CTNNBL1: variants seen among roughly 807,000 people sequenced by gnomAD.
CTNNBL1 encodes beta-catenin-like protein 1.
CTNNBL1 carries 31 observed loss-of-function variants against 72.7 expected under a neutral mutation model. That is an observed-to-expected ratio of 0.43 (90% CI 0.32 to 0.58). The LOEUF is 0.58. Ranked by LOEUF, CTNNBL1 falls within the 20% of genes least tolerant of loss-of-function variation. The pLI is 0.08. For synonymous variants in CTNNBL1, 240 were observed against 267.3 expected (o/e 0.90, Z 1.00); for missense variants, 534 against 725.1 (o/e 0.74, Z 3.03).
chr20:37,829,230 A>C (rs1159465166), intron 11 of CTNNBL1, among the ~76,000 whole-genome samples: 1 of 152,242 alleles, frequency 6.6e-6, no homozygotes, highest in African/African-American at 2.4e-5. Context: ...TAATGGCCTT[A>C]GATGTTCTGT....
At chr20:37,845,678 C>T (rs376609900) in intron 13 of CTNNBL1, among the ~76,000 whole-genome samples, 9 of 152,338 alleles carry the variant, frequency 5.9e-5, no homozygotes, top group African/African-American at 2.2e-4. Context: ...ACCTCTGCCT[C>T]ATGCCGTCTT....
intron 13 of CTNNBL1, among the ~76,000 whole-genome samples, chr20:37,854,230 G>A (rs1260442983): frequency 3.3e-5 from 5 of 152,174 alleles, no homozygotes; most frequent in Non-Finnish European, 7.3e-5. Context: ...AAGGTGCAGT[G>A]TGTACCTGCC....
At chr20:37,738,540 C>T (rs1374306065) in intron 3 of CTNNBL1, among the ~76,000 whole-genome samples, 2 of 152,174 alleles carry the variant, frequency 1.3e-5, no homozygotes, top group Non-Finnish European at 1.5e-5. Context: ...TTTGTCCCTC[C>T]CAGGACATAC....
chr20:37,857,597 T>C (rs1019838319), intron 13 of CTNNBL1, among the ~76,000 whole-genome samples: 2 of 152,050 alleles, frequency 1.3e-5, no homozygotes, highest in African/African-American at 2.4e-5. Flanking sequence ...CCTGGGCAAA[T>C]AAAGAAGTGC....
At chr20:37,725,939 G>GC (rs2073080657) in intron 1 of CTNNBL1, among the ~76,000 whole-genome samples, 1 of 151,988 alleles carries the variant, frequency 6.6e-6, no homozygotes, top group Non-Finnish European at 1.5e-5. Flanking sequence ...AGCCGAGATC[G>GC]CACCACTGCA....
At chr20:37,765,559 G>A (rs2073459674) in intron 6 of CTNNBL1, among the ~76,000 whole-genome samples, 1 of 152,086 alleles carries the variant, frequency 6.6e-6, no homozygotes, top group African/African-American at 2.4e-5. Context: ...GCGGGCCTTC[G>A]CCTCCAAAAG....
At chr20:37,811,494 C>G (rs2072011679) in intron 11 of CTNNBL1, among the ~76,000 whole-genome samples, 1 of 152,194 alleles carries the variant, frequency 6.6e-6, no homozygotes, top group South Asian at 2.1e-4. Flanking sequence ...AATTCCTTTT[C>G]TTTCCCTCCA....
At chr20:37,709,667 A>G (rs896162342) in intron 1 of CTNNBL1, among the ~76,000 whole-genome samples, 4 of 152,206 alleles carry the variant, frequency 2.6e-5, no homozygotes, top group Non-Finnish European at 5.9e-5. Context: ...GAGTACCTCT[A>G]TTGGGCAAGG....
chr20:37,701,000 A>G (rs894780728), intron 1 of CTNNBL1, among the ~76,000 whole-genome samples: 3 of 152,212 alleles, frequency 2.0e-5, no homozygotes. Context: ...TTAAATGATA[A>G]TAAAGTGATA....
intron 1 of CTNNBL1, among the ~76,000 whole-genome samples, chr20:37,700,206 C>T (rs73109333): frequency 6.6e-6 from 1 of 152,124 alleles, no homozygotes; most frequent in Non-Finnish European, 1.5e-5. Context: ...CATTTTTTTT[C>T]AATCGCTTGT....
At chr20:37,825,668 C>A (rs562914827) in intron 11 of CTNNBL1, among the ~76,000 whole-genome samples, 78 of 152,152 alleles carry the variant, frequency 5.1e-4, no homozygotes, top group African/African-American at 1.6e-3. Context: ...AGAGCAAAAC[C>A]CCATCTCAAA....
chr20:37,718,280 G>A (rs1307247859), intron 1 of CTNNBL1, among the ~76,000 whole-genome samples: 5 of 124,472 alleles, frequency 4.0e-5, no homozygotes, highest in African/African-American at 1.7e-4. Context: ...CTGGCCGGGC[G>A]GGGGGCTGAC....
intron 15 of CTNNBL1, among the ~76,000 whole-genome samples, chr20:37,869,057 C>G (rs1443174312): frequency 1.3e-5 from 2 of 152,210 alleles, no homozygotes; most frequent in Non-Finnish European, 2.9e-5. Flanking sequence ...TCTCCATCAC[C>G]CTGGCCCTCT....
chr20:37,837,212 G>A (rs1357220578), intron 11 of CTNNBL1, among the ~76,000 whole-genome samples: 1 of 152,056 alleles, frequency 6.6e-6, no homozygotes, highest in Non-Finnish European at 1.5e-5. Flanking sequence ...CTCACCCCGA[G>A]CTGAGCTCTG....
intron 1 of CTNNBL1, among the ~76,000 whole-genome samples, chr20:37,699,514 G>A (rs1828697894): frequency 6.6e-6 from 1 of 152,252 alleles, no homozygotes; most frequent in Non-Finnish European, 1.5e-5. Flanking sequence ...TGAACACTCA[G>A]AGGTAGTTTT....
At chr20:37,841,061 A>G (rs1047933835) in intron 12 of CTNNBL1, among the ~76,000 whole-genome samples, 4 of 152,254 alleles carry the variant, frequency 2.6e-5, no homozygotes, top group Non-Finnish European at 5.9e-5. Flanking sequence ...TTATTGAGTG[A>G]CTACTATGGA....
chr20:37,813,782 A>G (rs1269594197), intron 11 of CTNNBL1, among the ~76,000 whole-genome samples: 1 of 152,236 alleles, frequency 6.6e-6, no homozygotes, highest in African/African-American at 2.4e-5. Context: ...TGTAGAAACA[A>G]AAGTAGAGAA....
intron 5 of CTNNBL1, among the ~76,000 whole-genome samples, chr20:37,758,095 C>G (rs1374076529): frequency 3.3e-5 from 5 of 152,328 alleles, no homozygotes; most frequent in Admixed American, 6.5e-5. Context: ...TTACAAAGAG[C>G]TTTCACAAAT....
At chr20:37,791,379 C>G (rs1255144807) in intron 10 of CTNNBL1, among the ~76,000 whole-genome samples, 1 of 152,142 alleles carries the variant, frequency 6.6e-6, no homozygotes, top group East Asian at 1.9e-4. Context: ...TGTGAGAGTT[C>G]CAGTTGCTGC....
Sources: gnomAD v4.1 joint callset for allele counts (sites outside exome capture counted in the v4.1 genomes callset) on GRCh38, gnomAD v4.1.1 for gene constraint, MANE v1.5 for transcripts, NCBI Gene and HGNC (gene_info 2026-07-23, HGNC 2026-07-21) for gene names.